TEX36: variants seen among roughly 807,000 people sequenced by gnomAD.
The protein encoded by TEX36 is testis-expressed protein 36.
In TEX36, 12 loss-of-function variants were observed where a neutral mutation model predicts 13.6. The ratio of observed to expected loss-of-function variants is 0.88; its 90% CI spans 0.56 to 1.43. The LOEUF (loss-of-function observed/expected upper bound fraction) is 1.43, where lower values mean the gene tolerates loss of function less well. Among genes scored for constraint, TEX36 ranks in the 40% most tolerant of loss-of-function variants. TEX36 has a pLI of 0.00. For synonymous variants in TEX36, 93 were observed against 83.0 expected, an observed-to-expected ratio of 1.12 and a Z score of -0.65; for missense variants, 224 against 228.3, an observed-to-expected ratio of 0.98 and a Z score of 0.12.
At chr10:125,658,075 A>C (rs58399732) in intron 3 of TEX36, among the ~76,000 whole-genome samples, 5,164 of 152,214 alleles carry the variant, frequency 0.034, 268 homozygotes, top group African/African-American at 0.11. Flanking sequence ...CAAAAGCATA[A>C]ATTGTCATAA....
chr10:125,636,186 A>T (rs1846621368), intron 3 of TEX36, among the ~76,000 whole-genome samples: 1 of 146,506 alleles, frequency 6.8e-6, no homozygotes, highest in Non-Finnish European at 1.5e-5. Flanking sequence ...TCAAATGTTT[A>T]CAACTGTGTT....
intron 3 of TEX36, chr10:125,576,909 AG>A: frequency 6.5e-7 from 1 of 1,535,890 alleles, no homozygotes; most frequent in Non-Finnish European, 8.7e-7. Flanking sequence ...AACCATGAGT[AG>A]TTGTGTGCTT....
chr10:125,658,442 A>G (rs1421779907), intron 3 of TEX36, among the ~76,000 whole-genome samples: 1 of 152,160 alleles, frequency 6.6e-6, no homozygotes, highest in Admixed American at 6.5e-5. Context: ...TAGAAACTCA[A>G]GAATAATCTT....
intron 3 of TEX36, among the ~76,000 whole-genome samples, chr10:125,658,767 AT>A (rs1281542575): frequency 6.6e-6 from 1 of 152,060 alleles, no homozygotes; most frequent in African/African-American, 2.4e-5. Flanking sequence ...CATTCTTCCA[AT>A]TTTTTTAGGA....
intron 3 of TEX36, among the ~76,000 whole-genome samples, chr10:125,587,001 A>G (rs897575026): frequency 2.0e-5 from 3 of 152,064 alleles, no homozygotes; most frequent in African/African-American, 7.2e-5. Context: ...AAAAGTGTGT[A>G]GTGTCTCCCT....
At chr10:125,622,662 G>A (rs147450032) in intron 3 of TEX36, among the ~76,000 whole-genome samples, 11 of 152,298 alleles carry the variant, frequency 7.2e-5, no homozygotes, top group South Asian at 4.1e-4. Flanking sequence ...TGGTATGGTC[G>A]TAGAGCCATT....
At chr10:125,619,040 G>A (rs12355165), downstream of TEX36, among the ~76,000 whole-genome samples, 1 of 150,702 alleles carries the variant, frequency 6.6e-6, no homozygotes, top group Middle Eastern at 3.2e-3. Context: ...TGAGGCAGGA[G>A]AATGGCATGA....
chr10:125,666,814 G>A (rs555611128), intron 1 of TEX36: 73 of 264,396 alleles, frequency 2.8e-4, no homozygotes, highest in African/African-American at 1.4e-3. Flanking sequence ...GAGAAGGCCC[G>A]CTCTTCAAGA....
At chr10:125,618,468 G>A (rs910038613), downstream of TEX36, among the ~76,000 whole-genome samples, 10 of 152,264 alleles carry the variant, frequency 6.6e-5, no homozygotes, top group African/African-American at 2.4e-4. Flanking sequence ...GGTTTTTGGT[G>A]TGGATGTCCT....
intron 1 of TEX36, among the ~76,000 whole-genome samples, chr10:125,662,556 A>C (rs895207692): frequency 6.6e-6 from 1 of 152,180 alleles, no homozygotes; most frequent in Non-Finnish European, 1.5e-5. Flanking sequence ...GATTATCTAG[A>C]ATATGTCCTT....
At chr10:125,626,767 C>T (rs1041226267) in intron 3 of TEX36, among the ~76,000 whole-genome samples, 8 of 152,116 alleles carry the variant, frequency 5.3e-5, no homozygotes, top group Non-Finnish European at 7.4e-5. Flanking sequence ...AATCCAACAC[C>T]GAACACTACA....
At chr10:125,631,702 T>G (rs983578489) in intron 3 of TEX36, among the ~76,000 whole-genome samples, 1 of 152,098 alleles carries the variant, frequency 6.6e-6, no homozygotes, top group Non-Finnish European at 1.5e-5. Context: ...GGAGAAGCAT[T>G]CTAGGTACAG....
intron 3 of TEX36, among the ~76,000 whole-genome samples, chr10:125,628,255 C>T (rs768808053): frequency 3.3e-5 from 5 of 152,230 alleles, no homozygotes; most frequent in African/African-American, 7.2e-5. Flanking sequence ...GCTGTGCCCA[C>T]TTAATGCTAA....
intron 3 of TEX36, among the ~76,000 whole-genome samples, chr10:125,641,682 G>A (rs1846693877): frequency 6.6e-6 from 1 of 152,206 alleles, no homozygotes; most frequent in Non-Finnish European, 1.5e-5. Context: ...TTAACTGGCT[G>A]TTTATTCCTC....
intron 1 of TEX36, among the ~76,000 whole-genome samples, chr10:125,671,349 G>A (rs533657095): frequency 6.6e-6 from 1 of 152,264 alleles, no homozygotes; most frequent in South Asian, 2.1e-4. Flanking sequence ...AAGGGATGTT[G>A]AATTTTATTA....
At position 125,661,965 on chromosome 10, in the gene TEX36, C is replaced by T. The variant is rs1038803273; in HGVS notation, c.64G>A (p.Gly22Arg). Residue 22 changes from glycine to arginine, a missense_variant, in exon 2 of 4, where the codon GGG becomes AGG. By Grantham distance (125) the Gly-to-Arg change is moderately radical. Coordinates refer to ENST00000368821, the MANE Select transcript of TEX36 (RefSeq NM_001128202.3). ...DKDGRWFPHI[G>R]LTQKTPESIT... is the part of the protein sequence containing the mutation. ...GATTCTGGTGTCTTTTGCGTTAGCCCGATGTGAGGGAACTGGAAGAACAGC... is the reference window on the plus strand; with the variant it reads ...GATTCTGGTGTCTTTTGCGTTAGCCTGATGTGAGGGAACTGGAAGAACAGC... 1 of 1,552,244 alleles carries T rather than the reference C, an allele frequency of 6.4e-7. No individual in the cohort carries two copies. Among genetic ancestry groups the T allele is most frequent in the Non-Finnish European group, 8.7e-7 (1 of 1,147,110 alleles).
chr10:125,622,756 C>T lies in TEX36; in HGVS notation c.265-1111G>A, dbSNP rs572970607. ...CACACATACTCTTCCTTACCTTCAT[C>T]GAGGAGTAGTAGTCGATTTCATCTT... On this transcript the variant is annotated intron_variant, in intron 3 of 3. Coordinates refer to the TEX36 transcript ENST00000526819. Among the ~76,000 whole-genome samples, 12 of 152,298 alleles carry T rather than the reference C, an allele frequency of 7.9e-5. 1 individual carries two copies. The South Asian group carries it at 1.9e-3, about 24-fold the overall frequency.
downstream of TEX36, among the ~76,000 whole-genome samples, chr10:125,650,818 A>G (rs1349132565): frequency 6.6e-6 from 1 of 152,234 alleles, no homozygotes; most frequent in African/African-American, 2.4e-5. Flanking sequence ...AGGGGATATC[A>G]CCACCGATCC....
intron 3 of TEX36, among the ~76,000 whole-genome samples, chr10:125,643,529 G>A (rs946363129): frequency 6.6e-6 from 1 of 152,126 alleles, no homozygotes; most frequent in East Asian, 1.9e-4. Flanking sequence ...GGATCACGAG[G>A]TCAGGAGATT....
Sources: gnomAD v4.1 joint callset for allele counts (sites outside exome capture counted in the v4.1 genomes callset) on GRCh38, gnomAD v4.1.1 for gene constraint, MANE v1.5 for transcripts, NCBI Gene and HGNC (gene_info 2026-07-23, HGNC 2026-07-21) for gene names.